Variants in FIGN observed in about 807,000 individuals in gnomAD.
FIGN encodes the protein fidgetin.
In FIGN, 11 loss-of-function variants were observed where a neutral mutation model predicts 51.3. That is an observed-to-expected ratio of 0.21 (90% CI 0.13 to 0.35). The LOEUF is 0.35. Among genes scored for constraint, FIGN ranks in the 10% least tolerant of loss-of-function variants. The pLI, the probability that FIGN is intolerant of heterozygous loss-of-function variation, is 1.00. For synonymous variants in FIGN, 407 were observed against 363.2 expected (o/e 1.12, Z -1.37); for missense variants, 857 against 943.6 (o/e 0.91, Z 1.20).
intron 2 of FIGN, among the ~76,000 whole-genome samples, chr2:163,695,374 A>G (rs1339544828): frequency 6.6e-6 from 1 of 152,074 alleles, no homozygotes; most frequent in Non-Finnish European, 1.5e-5. Context: ...TCTCTAGCTC[A>G]TGTAAAATGC....
At position 163,602,716 on chromosome 2, in the gene FIGN, T is replaced by C. The variant is rs1690996873; in HGVS notation, c.*6836A>G. On this transcript the variant is annotated 3_prime_UTR_variant, in exon 3 of 3. Coordinates refer to ENST00000333129, the MANE Select transcript of FIGN (RefSeq NM_018086.4). The stretch of plus-strand genomic sequence containing the variant: ...ACAAATTTTACAATAGAGAAAACTT[T>C]TCATAAAAATATCTGCCTTGAACCA... The C allele has an allele frequency of 6.6e-6, 1 of 152,058 alleles. No individual in the cohort carries two copies. The highest frequency in any genetic ancestry group is 1.5e-5 in the Non-Finnish European group (1 of 67,982). The allele number at this position is 152,058 out of a possible 1,614,324, so 9.4% of individuals were successfully genotyped here.
intron 2 of FIGN, among the ~76,000 whole-genome samples, chr2:163,626,088 G>A (rs1683049689): frequency 6.6e-6 from 1 of 152,024 alleles, no homozygotes; most frequent in African/African-American, 2.4e-5. Context: ...ACTGTTTTCA[G>A]CTTTCTGAAT....
In FIGN at chr2:163,717,020, C is replaced by T. The variant is rs181818792; in HGVS notation, c.25+17883G>A. On this transcript the variant is annotated intron_variant, in intron 2 of 2. Coordinates refer to ENST00000333129, the MANE Select transcript of FIGN (RefSeq NM_018086.4). ...ATTACAATTTTGCACCACTTGCCTT[C>T]TCCAAACACCCCTTAGAACTATGTA... is the stretch of plus-strand genomic sequence containing the variant. Among the ~76,000 whole-genome samples the T allele has an allele frequency of 2.0e-5, 3 of 152,262 alleles. No individual in the cohort carries two copies. The East Asian group carries it at 5.8e-4, about 29-fold the overall frequency.
rs147676380 is a variant in FIGN at position 163,701,801 on chromosome 2, C to A, written c.25+33102G>T. 5.4e-3 allele frequency among the ~76,000 whole-genome samples: 829 copies of A among 152,264 alleles called. 14 individuals carry two copies. The highest frequency in any genetic ancestry group is 0.038 in the Admixed American group (586 of 15,282). ...TTACCAGTCGAGTCAGCTCTGGTTT[C>A]TCTTCCCTTCATGACTTTAACTTTA... On this transcript the variant is annotated intron_variant, in intron 2 of 2. Transcript: ENST00000333129.
At chr2:163,701,440 T>G (rs1353670421) in intron 2 of FIGN, among the ~76,000 whole-genome samples, 1 of 152,188 alleles carries the variant, frequency 6.6e-6, no homozygotes, top group African/African-American at 2.4e-5. Flanking sequence ...AAACACACAC[T>G]GCAACTACCA....
intron 2 of FIGN, among the ~76,000 whole-genome samples, chr2:163,684,156 A>G (rs1684109215): frequency 6.6e-6 from 1 of 151,176 alleles, no homozygotes; most frequent in East Asian, 1.9e-4. Flanking sequence ...GTTTGTCCAA[A>G]AATTATCTTT....
Position 163,610,816 on chromosome 2 carries a change from C to A in FIGN, c.1016G>T (p.Gly339Val). ...AGGACTCTGTGTAGATCTCTGTTGG[C>A]CATAGCTGTAATTTCCATAACTGGA... ...MDSSYGNYSY[G>V]QQRSTQSPMY... Residue 339 changes from glycine to valine, a missense_variant, in exon 3 of 3, where the codon GGC becomes GTC. Transcript: ENST00000333129. 7.0e-7 allele frequency: 1 copy of A among 1,423,140 alleles called. No individual in the cohort carries two copies. The highest frequency in any genetic ancestry group is 1.7e-5 in the South Asian group (1 of 59,176). 88.2% of individuals were successfully genotyped at this position (1,423,140 alleles called of 1,614,324 possible).
chr2:163,648,365 A>C (rs1378378960), intron 2 of FIGN, among the ~76,000 whole-genome samples: 1 of 152,246 alleles, frequency 6.6e-6, no homozygotes, highest in Non-Finnish European at 1.5e-5. Flanking sequence ...CAAAGCAATG[A>C]CTATTGTCTA....
In FIGN at chr2:163,704,656, T is replaced by TCTCTCA. The variant is rs72286438; in HGVS notation, c.25+30246_25+30247insTGAGAG. Among the ~76,000 whole-genome samples, 8 of 129,790 alleles carry TCTCTCA rather than the reference T, an allele frequency of 6.2e-5. No individual in the cohort carries two copies. In the East Asian group the frequency reaches 6.6e-4, roughly 11 times the overall value. The allele number at this position is 129,790 out of a possible 152,430, so 85.1% of individuals were successfully genotyped here. ...CTCTCTCTCTCTCTCTCTCTCTCTC[T>TCTCTCA]CACACACACACACACACACACACAC... On this transcript the variant is annotated intron_variant, in intron 2 of 2. Transcript: ENST00000333129.
chr2:163,609,663 G>C lies in FIGN; in HGVS notation c.2169C>G (p.Pro723=), dbSNP rs3748918. Residue 723 remains proline (P), a synonymous_variant, in exon 3 of 3, where the codon CCC becomes CCG. Coordinates refer to ENST00000333129, the MANE Select transcript of FIGN (RefSeq NM_018086.4). Reference sequence around the variant, plus strand: ...CATTTTCAAAGTCTTGATATGTAACGGGCCTCAACTGGCTGGGCATAATGG... The same window carrying C: ...CATTTTCAAAGTCTTGATATGTAACCGGCCTCAACTGGCTGGGCATAATGG... ...LSAIMPSQLR[P]VTYQDFENAF... 11 of 1,614,018 alleles carry C rather than the reference G, an allele frequency of 6.8e-6. No individual in the cohort carries two copies. Among genetic ancestry groups the C allele is most frequent in the Non-Finnish European group, 9.3e-6 (11 of 1,180,006 alleles).
chr2:163,660,215 G>T (rs1173916122), intron 2 of FIGN, among the ~76,000 whole-genome samples: 1 of 152,034 alleles, frequency 6.6e-6, no homozygotes, highest in Non-Finnish European at 1.5e-5. Flanking sequence ...TGTTATTCTG[G>T]GGCCTCTGCA....
At position 163,609,996 on chromosome 2, in the gene FIGN, T is replaced by C. The variant is rs763676693; in HGVS notation, c.1836A>G (p.Gln612=). The stretch of plus-strand genomic sequence containing the variant: ...CAGCCGAAGTTAGTACAGTGTCCAG[T>C]TGCATCAGAAATTCGGTTCTCATCC... ...VSRMRTEFLM[Q]LDTVLTSAED... The change falls in exon 3 of 3, where the codon CAA becomes CAG. Residue 612 remains glutamine (Q), a synonymous_variant. Coordinates refer to ENST00000333129, the MANE Select transcript of FIGN (RefSeq NM_018086.4). The C allele has an allele frequency of 1.2e-6, 2 of 1,614,018 alleles. No individual in the cohort carries two copies. The highest frequency in any genetic ancestry group is 1.3e-5 in the African/African-American group (1 of 74,924).
chr2:163,663,356 C>A (rs530304848), intron 2 of FIGN, among the ~76,000 whole-genome samples: 1 of 149,528 alleles, frequency 6.7e-6, no homozygotes, highest in South Asian at 2.1e-4. Flanking sequence ...TTTTTTGAGA[C>A]GGAGTTTTGC....
chr2:163,657,631 A>G (rs1194585255), intron 2 of FIGN, among the ~76,000 whole-genome samples: 2 of 152,058 alleles, frequency 1.3e-5, no homozygotes, highest in Non-Finnish European at 2.9e-5. Flanking sequence ...TAATTAAAAG[A>G]AGCCTAAATG....
chr2:163,725,061 C>G (rs1483588247), intron 2 of FIGN, among the ~76,000 whole-genome samples: 1 of 152,094 alleles, frequency 6.6e-6, no homozygotes, highest in Non-Finnish European at 1.5e-5. Flanking sequence ...CTTGTGCCTC[C>G]TTCCCCTATT....
chr2:163,609,721 G>A lies in FIGN; in HGVS notation c.2111C>T (p.Pro704Leu). 1 of 1,614,070 alleles carries A rather than the reference G, an allele frequency of 6.2e-7. No homozygotes were observed. The highest frequency in any genetic ancestry group is 1.1e-5 in the South Asian group (1 of 91,078). ...AHLCQEAVVGPLHAMPATDLS... is the reference protein window; with the variant it reads ...AHLCQEAVVGLLHAMPATDLS... ...GTCTGTGGCTGGCATGGCATGGAGG[G>A]GGCCCACCACTGCTTCCTGACACAA... The change falls in exon 3 of 3, where the codon CCC (proline) becomes CTC (leucine). Residue 704 changes from proline to leucine, a missense_variant. Coordinates refer to ENST00000333129, the MANE Select transcript of FIGN (RefSeq NM_018086.4).
intron 2 of FIGN, among the ~76,000 whole-genome samples, chr2:163,729,654 C>T (rs542445531): frequency 9.2e-5 from 14 of 152,150 alleles, no homozygotes; most frequent in South Asian, 6.2e-4. Context: ...AACCTTGGGC[C>T]TTCATATAAT....
intron 2 of FIGN, among the ~76,000 whole-genome samples, chr2:163,625,759 A>G (rs186040869): frequency 3.9e-5 from 6 of 152,234 alleles, no homozygotes; most frequent in Admixed American, 1.3e-4. Flanking sequence ...AATCAGTCTT[A>G]TCCGAAGCTC....
chr2:163,628,224 A>G (rs1683086451), intron 2 of FIGN, among the ~76,000 whole-genome samples: 1 of 147,242 alleles, frequency 6.8e-6, no homozygotes, highest in South Asian at 2.1e-4. Flanking sequence ...AAACCCACTC[A>G]GTTCCAAATC....
Sources: allele counts gnomAD v4.1 joint callset (sites outside exome capture counted in the v4.1 genomes callset), GRCh38; gene constraint gnomAD v4.1.1; transcripts MANE v1.5; gene names NCBI Gene and HGNC (gene_info 2026-07-23, HGNC 2026-07-21).